MCF2L: variants seen among roughly 807,000 people sequenced by gnomAD.
MCF2L encodes the protein MCF.2 cell line derived transforming sequence like, also known as guanine nucleotide exchange factor DBS.
In MCF2L, 97 loss-of-function variants were observed where a neutral mutation model predicts 153.4. The observed-to-expected ratio is 0.63, with a 90% CI of 0.54 to 0.75. The LOEUF is 0.75. Among genes scored for constraint, MCF2L ranks in the 30% least tolerant of loss-of-function variants. The probability of loss-of-function intolerance (pLI) is 0.00; values close to 1 mark genes in which losing one functional copy is unlikely to be tolerated. For missense variants in MCF2L, 1,347 were observed against 1,495.2 expected (o/e 0.90, Z 1.64); for synonymous variants, 659 against 632.2 (o/e 1.04, Z -0.64).
chr13:113,009,409 CAT>C (rs2083931955), intron 1 of MCF2L: 1 of 152,224 alleles, frequency 6.6e-6, no homozygotes, highest in Non-Finnish European at 1.5e-5. Flanking sequence ...GCTCGTTAAA[CAT>C]ATTTGAGATT....
chr13:112,967,958 G>A (rs1397306173), upstream of MCF2L: 2 of 174,490 alleles, frequency 1.1e-5, no homozygotes, highest in African/African-American at 4.8e-5. Context: ...ATGCTGGAAT[G>A]GTGCACGCAT....
chr13:112,896,735 G>C (rs573896727), intron 1 of MCF2L, among the ~76,000 whole-genome samples: 16 of 152,310 alleles, frequency 1.1e-4, no homozygotes, highest in South Asian at 8.3e-4. Flanking sequence ...GTCTGCAATG[G>C]CTCCCAAGGA....
chr13:112,944,624 T>G (rs1279498484), intron 2 of MCF2L, among the ~76,000 whole-genome samples: 1 of 143,238 alleles, frequency 7.0e-6, no homozygotes, highest in Non-Finnish European at 1.5e-5. Context: ...CAGGCTGGAG[T>G]GCAGTGGCGC....
At chr13:112,952,541 G>A (rs1449012012) in intron 2 of MCF2L, among the ~76,000 whole-genome samples, 1 of 152,158 alleles carries the variant, frequency 6.6e-6, no homozygotes, top group African/African-American at 2.4e-5. Flanking sequence ...AGGACCCCAA[G>A]GGTTTAGAAT....
At chr13:112,952,506 G>A (rs1204804261) in intron 2 of MCF2L, among the ~76,000 whole-genome samples, 1 of 152,222 alleles carries the variant, frequency 6.6e-6, no homozygotes. Context: ...CCACAGACCA[G>A]TCACCGGATC....
At chr13:113,001,778 G>T in intron 1 of MCF2L, 1 of 1,408,162 alleles carries the variant, frequency 7.1e-7, no homozygotes, top group Non-Finnish European at 9.2e-7. Context: ...GGCCAGGTCT[G>T]CCCAGCAAAC....
intron 2 of MCF2L, among the ~76,000 whole-genome samples, chr13:112,911,162 C>G (rs994498095): frequency 2.6e-5 from 4 of 152,182 alleles, no homozygotes; most frequent in Non-Finnish European, 4.4e-5. Context: ...AATGCCAAGG[C>G]CCCCTCAGGA....
chr13:113,066,138 G>A lies in MCF2L; in HGVS notation c.849G>A (p.Gln283=). 1 of 1,612,868 alleles carries A rather than the reference G, an allele frequency of 6.2e-7. No individual in the cohort carries two copies. Among genetic ancestry groups the A allele is most frequent in the Non-Finnish European group, 8.5e-7 (1 of 1,179,818 alleles). Residue 283 remains glutamine, a synonymous_variant, in exon 8 of 30, where the codon CAG becomes CAA. Coordinates refer to ENST00000535094, the MANE Select transcript of MCF2L (RefSeq NM_001112732.3). ...QAEGSEPSVN[Q]DQLDNQATVQ... ...AGGGCTCAGAGCCCAGTGTGAACCA[G>A]GACCAGCTTGACAACCAGGCCACCG...
intron 2 of MCF2L, among the ~76,000 whole-genome samples, chr13:112,953,237 T>C (rs2081715207): frequency 6.6e-6 from 1 of 152,180 alleles, no homozygotes; most frequent in South Asian, 2.1e-4. Context: ...TCTGTAGGAA[T>C]GTGGGGAAGC....
intron 2 of MCF2L, among the ~76,000 whole-genome samples, chr13:112,914,324 T>C (rs1032647405): frequency 6.6e-6 from 1 of 152,262 alleles, no homozygotes; most frequent in Admixed American, 6.5e-5. Flanking sequence ...CCCCTCGCTC[T>C]GTCTTCGGGA....
chr13:112,937,811 CTCTGAGTGGT>C (rs2081530717), intron 2 of MCF2L, among the ~76,000 whole-genome samples: 1 of 3,014 alleles, frequency 3.3e-4, no homozygotes, highest in Non-Finnish European at 8.8e-4. Context: ...TTCAGGTGTG[CTCTGAGTGGT>C]TGGTTCAGGT....
At chr13:113,082,652 A>AG in intron 17 of MCF2L, 110 bp downstream of exon 17, 1 of 792,110 alleles carries the variant, frequency 1.3e-6, no homozygotes, top group South Asian at 1.5e-5. Context: ...CTGGCTAGGG[A>AG]GGGGCGCCCA....
At chr13:113,034,833 A>T (rs1019443453) in intron 3 of MCF2L, among the ~76,000 whole-genome samples, 1 of 152,180 alleles carries the variant, frequency 6.6e-6, no homozygotes, top group Admixed American at 6.5e-5. Flanking sequence ...CCCGGAGGTT[A>T]GGGGCTGCTG....
intron 20 of MCF2L, 25 bp from the exon 21 acceptor site, chr13:113,086,099 G>T (rs202085027): frequency 1.6e-5 from 25 of 1,591,832 alleles, no homozygotes; most frequent in Non-Finnish European, 2.1e-5. Context: ...GTCCCGACGC[G>T]GTTGCCTCAC....
intron 1 of MCF2L, among the ~76,000 whole-genome samples, chr13:112,974,300 G>A (rs1162174258): frequency 3.3e-5 from 5 of 151,852 alleles, no homozygotes; most frequent in African/African-American, 9.7e-5. Flanking sequence ...AGCCCCTTGC[G>A]TGGCTGACTT....
At chr13:113,089,976 G>T in intron 26 of MCF2L, 2 of 1,599,636 alleles carry the variant, frequency 1.3e-6, no homozygotes, top group Non-Finnish European at 1.7e-6. Flanking sequence ...CGTGCAACCC[G>T]GAGCCGCCTT....
At chr13:112,935,200 C>T (rs771182207) in intron 2 of MCF2L, among the ~76,000 whole-genome samples, 6 of 152,248 alleles carry the variant, frequency 3.9e-5, no homozygotes, top group Admixed American at 1.3e-4. Flanking sequence ...CCTCACATAC[C>T]CATACGGCCA....
chr13:113,066,041 C>T lies in MCF2L; in HGVS notation c.757-5C>T, dbSNP rs2032315379. ...CCGGGACATGAGGCTGCATTCTCTC[C>T]ACAGGAGGATTTGAGGCTGGCACTG... On this transcript the variant is annotated splice_polypyrimidine_tract_variant and splice_region_variant and intron_variant, in intron 7 of 29. Transcript: ENST00000535094. 1 of 1,612,604 alleles carries T rather than the reference C, an allele frequency of 6.2e-7. No individual in the cohort carries two copies. Among genetic ancestry groups the T allele is most frequent in the African/African-American group, 1.3e-5 (1 of 74,926 alleles).
chr13:113,096,512 C>T (rs773102849), intron 28 of MCF2L, 29 bp downstream of exon 28: 2 of 1,581,494 alleles, frequency 1.3e-6, no homozygotes, highest in African/African-American at 2.7e-5. Flanking sequence ...CCCCGGACTG[C>T]CCCGCACGTG....
Sources: allele counts gnomAD v4.1 joint callset (sites outside exome capture counted in the v4.1 genomes callset), GRCh38; gene constraint gnomAD v4.1.1; transcripts MANE v1.5; gene names NCBI Gene and HGNC (gene_info 2026-07-23, HGNC 2026-07-21).